The following GPHN variants were observed in gnomAD, a reference collection of about 807,000 sequenced individuals.
The protein encoded by GPHN is gephyrin.
Under a neutral mutation model 95.5 loss-of-function variants are expected in GPHN, and 17 were observed. The observed-to-expected ratio is 0.18, with a 90% CI of 0.12 to 0.27. GPHN has a LOEUF of 0.27. Among genes scored for constraint, GPHN ranks in the 10% least tolerant of loss-of-function variants. The pLI is 1.00. For synonymous variants in GPHN, 320 were observed against 322.5 expected, an observed-to-expected ratio of 0.99 and a Z score of 0.08; for missense variants, 660 against 978.1, an observed-to-expected ratio of 0.67 and a Z score of 4.34.
chr14:67,206,616 G>A, the GPHN span, among the ~76,000 whole-genome samples: 2 of 152,148 alleles, frequency 1.3e-5, no homozygotes, highest in East Asian at 3.8e-4. Flanking sequence ...AAAAAGGTAG[G>A]AGACAGAACT....
chr14:67,386,981 A>T, the GPHN span: 1 of 164,832 alleles, frequency 6.1e-6, no homozygotes, highest in East Asian at 1.8e-4. Flanking sequence ...TTAAGAGAGA[A>T]CCTCATAAGA....
intron 4 of GPHN, among the ~76,000 whole-genome samples, chr14:66,864,022 G>C (rs1333835220): frequency 6.6e-6 from 1 of 152,088 alleles, no homozygotes; most frequent in Non-Finnish European, 1.5e-5. Context: ...ACAAAATGAA[G>C]AGAGAACCCA....
intron 1 of GPHN, among the ~76,000 whole-genome samples, chr14:66,578,923 G>C (rs1471073591): frequency 6.6e-6 from 1 of 151,820 alleles, no homozygotes; most frequent in Non-Finnish European, 1.5e-5. Flanking sequence ...GTCAGATTCA[G>C]AATGCTGTAT....
the GPHN span, among the ~76,000 whole-genome samples, chr14:67,625,156 T>G: frequency 6.7e-6 from 1 of 150,140 alleles, no homozygotes; most frequent in Admixed American, 6.7e-5. Flanking sequence ...GATATCCACA[T>G]TAAAAAAAAA....
chr14:66,562,988 T>C (rs1016239014), intron 1 of GPHN, among the ~76,000 whole-genome samples: 1 of 152,032 alleles, frequency 6.6e-6, no homozygotes, highest in Admixed American at 6.6e-5. Flanking sequence ...AATTCCTTGA[T>C]GTGTAAGATA....
At chr14:66,553,761 G>C (rs1024863549) in intron 1 of GPHN, among the ~76,000 whole-genome samples, 2 of 152,098 alleles carry the variant, frequency 1.3e-5, no homozygotes, top group African/African-American at 4.8e-5. Flanking sequence ...AGTTTTAGTA[G>C]AGACGGGGTT....
chr14:66,821,506 G>C (rs1251766756), intron 3 of GPHN, among the ~76,000 whole-genome samples: 1 of 152,180 alleles, frequency 6.6e-6, no homozygotes, highest in Admixed American at 6.5e-5. Flanking sequence ...GAATCCTTGA[G>C]ACCAGAGATA....
the GPHN span, among the ~76,000 whole-genome samples, chr14:67,560,727 C>CTTTTT: frequency 1.6e-5 from 2 of 126,428 alleles, no homozygotes; most frequent in Non-Finnish European, 3.3e-5. Context: ...GAACATATAT[C>CTTTTT]TTTTTTTTTT....
the GPHN span, among the ~76,000 whole-genome samples, chr14:67,623,298 T>G: frequency 6.6e-6 from 1 of 152,188 alleles, no homozygotes; most frequent in African/African-American, 2.4e-5. Flanking sequence ...ACTTGAGTGT[T>G]TTGAACACTT....
At chr14:67,040,394 A>T (rs573762173) in intron 10 of GPHN, among the ~76,000 whole-genome samples, 3 of 152,306 alleles carry the variant, frequency 2.0e-5, no homozygotes, top group Admixed American at 6.5e-5. Context: ...TTCCAAAAAA[A>T]TCTGGAGGGA....
At chr14:66,852,403 G>A (rs546920973) in intron 4 of GPHN, among the ~76,000 whole-genome samples, 9 of 152,342 alleles carry the variant, frequency 5.9e-5, no homozygotes, top group South Asian at 4.1e-4. Context: ...GTGCGCGTGC[G>A]CGTGTTCACC....
the GPHN span, chr14:67,381,785 T>A: frequency 1.1e-6 from 1 of 893,712 alleles, no homozygotes; most frequent in Non-Finnish European, 1.7e-6. Context: ...TAATCACATT[T>A]CATAACAAAA....
intron 9 of GPHN, among the ~76,000 whole-genome samples, chr14:66,992,784 A>G (rs1411908981): frequency 6.6e-6 from 1 of 152,184 alleles, no homozygotes; most frequent in Non-Finnish European, 1.5e-5. Context: ...GTGGAGAAAC[A>G]TAAAAAGAAG....
the GPHN span, among the ~76,000 whole-genome samples, chr14:67,264,164 A>G: frequency 6.6e-6 from 1 of 152,188 alleles, no homozygotes; most frequent in East Asian, 1.9e-4. Flanking sequence ...AAATTGTAGA[A>G]TGTTTATTTT....
chr14:66,669,518 C>G (rs1164288081), intron 1 of GPHN, among the ~76,000 whole-genome samples: 1 of 150,516 alleles, frequency 6.6e-6, no homozygotes, highest in Non-Finnish European at 1.5e-5. Flanking sequence ...TTAAATGTAT[C>G]CTATCCTTTT....
chr14:67,289,769 C>T, the GPHN span, among the ~76,000 whole-genome samples: 117,667 of 128,268 alleles, frequency 0.92, 53,596 homozygotes, highest in Non-Finnish European at 0.98. Flanking sequence ...TTTCCATGTC[C>T]TTTTTTTTTT....
the GPHN span, chr14:67,189,804 T>C: frequency 6.6e-6 from 1 of 151,852 alleles, no homozygotes; most frequent in East Asian, 1.9e-4. Flanking sequence ...AGTTTGAGTT[T>C]GAAATGAAAG....
the GPHN span, chr14:67,695,539 A>G: frequency 7.8e-7 from 1 of 1,287,744 alleles, no homozygotes; most frequent in Non-Finnish European, 1.1e-6. Flanking sequence ...CCCCCAGGGG[A>G]GTTTTCCAAG....
the GPHN span, chr14:67,583,889 T>G: frequency 1.2e-6 from 2 of 1,613,488 alleles, no homozygotes; most frequent in Admixed American, 3.3e-5. Flanking sequence ...CTGAGGTAGG[T>G]AGGCTACAAG....
Sources: gnomAD v4.1 joint callset for allele counts (sites outside exome capture counted in the v4.1 genomes callset) on GRCh38, gnomAD v4.1.1 for gene constraint, MANE v1.5 for transcripts, NCBI Gene and HGNC (gene_info 2026-07-23, HGNC 2026-07-21) for gene names.